The following IGSF21 variants were observed in gnomAD, a reference collection of about 807,000 sequenced individuals.
The protein encoded by IGSF21 is immunoglobin superfamily member 21, also known as immunoglobulin superfamily member 21.
IGSF21 carries 28 observed loss-of-function variants against 46.8 expected under a neutral mutation model. The observed-to-expected ratio is 0.60, with a 90% confidence interval of 0.44 to 0.82. The LOEUF (loss-of-function observed/expected upper bound fraction) is 0.82. IGSF21 is among the 40% of genes least tolerant of loss of function. IGSF21 has a pLI of 0.00. For missense variants in IGSF21, 624 were observed against 665.5 expected (o/e 0.94, Z 0.69); for synonymous variants, 284 against 273.6 (o/e 1.04, Z -0.38).
At chr1:18,362,339 C>T (rs1436624882) in intron 5 of IGSF21, 109 bp downstream of exon 5, 1 of 768,204 alleles carries the variant, frequency 1.3e-6, no homozygotes, top group East Asian at 2.7e-5. Context: ...AGTGGTTGGC[C>T]AGGGCTGACT....
intron 4 of IGSF21, among the ~76,000 whole-genome samples, chr1:18,360,853 T>C (rs866591513): frequency 1.8e-4 from 28 of 152,138 alleles, no homozygotes; most frequent in African/African-American, 7.2e-5. Flanking sequence ...ATTTAGCAAA[T>C]TGGGGGACTG....
chr1:18,212,170 G>T (rs2084399173), intron 1 of IGSF21, among the ~76,000 whole-genome samples: 2 of 152,268 alleles, frequency 1.3e-5, no homozygotes, highest in Non-Finnish European at 2.9e-5. Flanking sequence ...ACAGTGCTAT[G>T]GTCCTTGCCT....
At chr1:18,277,592 T>C (rs1481607732) in intron 2 of IGSF21, among the ~76,000 whole-genome samples, 3 of 152,350 alleles carry the variant, frequency 2.0e-5, no homozygotes, top group East Asian at 3.9e-4. Flanking sequence ...TCTTAGCAGC[T>C]TGAAGCATAG....
At chr1:18,233,641 C>T (rs1306117651) in intron 2 of IGSF21, among the ~76,000 whole-genome samples, 1 of 152,180 alleles carries the variant, frequency 6.6e-6, no homozygotes, top group East Asian at 1.9e-4. Context: ...CATTTCATGT[C>T]TGTTGATAGC....
intron 3 of IGSF21, among the ~76,000 whole-genome samples, chr1:18,331,641 G>T (rs773547424): frequency 6.6e-6 from 1 of 152,218 alleles, no homozygotes; most frequent in African/African-American, 2.4e-5. Context: ...TGGGACTTAG[G>T]TAAGGGAGTA....
Position 18,273,558 on chromosome 1 carries a change from T to A in IGSF21, c.184-18308T>A, listed in dbSNP as rs2124548488. Among the ~76,000 whole-genome samples, 3 of 149,522 alleles carry A rather than the reference T, an allele frequency of 2.0e-5. No homozygotes were observed. The South Asian group carries it at 6.4e-4, about 32-fold the overall frequency. On this transcript the variant is annotated intron_variant, in intron 2 of 9. Coordinates refer to ENST00000251296, the MANE Select transcript of IGSF21 (RefSeq NM_032880.5). The stretch of plus-strand genomic sequence containing the variant: ...TTTTTTTTTTTAACCACTCTGCCCA[T>A]AAAGTCCTTGCTCTCTGGGGACAAC...
intron 1 of IGSF21, among the ~76,000 whole-genome samples, chr1:18,135,187 C>T (rs2086357740): frequency 6.6e-6 from 1 of 152,218 alleles, no homozygotes; most frequent in Non-Finnish European, 1.5e-5. Context: ...TTGTATTAGA[C>T]AGTTCTTACA....
Position 18,148,422 on chromosome 1 carries a change from A to G in IGSF21, c.70+40224A>G, listed in dbSNP as rs140268230. ...GCTGGGATTACTGGCGTGAGCCACC[A>G]TGCCCGGCCTCAAGTATGTCTTTAT... On this transcript the variant is annotated intron_variant, in intron 1 of 9. Transcript: ENST00000251296. 1.5e-3 allele frequency among the ~76,000 whole-genome samples: 236 copies of G among 152,282 alleles called. 6 individuals are homozygous for G. The East Asian group carries it at 0.038, about 25-fold the overall frequency.
At chr1:18,177,799 G>A (rs1307191713) in intron 1 of IGSF21, among the ~76,000 whole-genome samples, 2 of 152,026 alleles carry the variant, frequency 1.3e-5, no homozygotes, top group Non-Finnish European at 2.9e-5. Flanking sequence ...AGTCATATTC[G>A]GTATGCCCGT....
At chr1:18,157,288 C>T (rs1289491295) in intron 1 of IGSF21, among the ~76,000 whole-genome samples, 1 of 152,244 alleles carries the variant, frequency 6.6e-6, no homozygotes, top group Non-Finnish European at 1.5e-5. Flanking sequence ...AGGGCTAACT[C>T]TGCCTCGCTG....
intron 1 of IGSF21, among the ~76,000 whole-genome samples, chr1:18,225,792 T>G (rs533138747): frequency 6.6e-6 from 1 of 152,196 alleles, no homozygotes; most frequent in African/African-American, 2.4e-5. Flanking sequence ...AAGAAAAAAG[T>G]ATGCAGGCTG....
chr1:18,227,821 C>G, intron 1 of IGSF21, 77 bp from the exon 2 acceptor site: 1 of 1,012,166 alleles, frequency 9.9e-7, no homozygotes, highest in Non-Finnish European at 1.6e-6. Flanking sequence ...TCTGCTGTCT[C>G]CCTGGCCCTG....
At chr1:18,327,545 G>A (rs572390160) in intron 3 of IGSF21, among the ~76,000 whole-genome samples, 48 of 152,276 alleles carry the variant, frequency 3.2e-4, no homozygotes, top group Middle Eastern at 3.4e-3. Context: ...CACGAAATGC[G>A]ATGCTGTTCA....
In IGSF21 at chr1:18,322,650, C is replaced by T. The variant is rs761518958; in HGVS notation, c.306-12242C>T. Among the ~76,000 whole-genome samples the T allele has an allele frequency of 2.0e-5, 3 of 152,146 alleles. No homozygotes were observed. The highest frequency in any genetic ancestry group is 4.8e-5 in the African/African-American group (2 of 41,418). ...CACGTGCCCCACGCCCCCTGCCTGC[C>T]AGTCCTGGGATGGCGTCGGGTGAAG... On this transcript the variant is annotated intron_variant, in intron 3 of 9. Coordinates refer to ENST00000251296, the MANE Select transcript of IGSF21 (RefSeq NM_032880.5). The surrounding 1 kb of genome is among the most constrained non-coding windows in gnomAD (Gnocchi z 4.3).
chr1:18,320,638 C>G (rs2085592233), intron 3 of IGSF21, among the ~76,000 whole-genome samples: 1 of 152,236 alleles, frequency 6.6e-6, no homozygotes, highest in Non-Finnish European at 1.5e-5. Flanking sequence ...CGGTCCTGCT[C>G]TGAAGCTGCC....
At chr1:18,373,669 G>T (rs950434552) in intron 6 of IGSF21, among the ~76,000 whole-genome samples, 1 of 152,040 alleles carries the variant, frequency 6.6e-6, no homozygotes, top group South Asian at 2.1e-4. Context: ...GTGGAAGAAG[G>T]CACCCATCTC....
intron 3 of IGSF21, among the ~76,000 whole-genome samples, chr1:18,324,558 T>A (rs748845343): frequency 1.3e-5 from 2 of 152,220 alleles, no homozygotes; most frequent in Non-Finnish European, 2.9e-5. Flanking sequence ...TGGCCTTGCA[T>A]AAATCACCTC....
chr1:18,365,143 C>A lies in IGSF21; in HGVS notation c.541-80C>A. The A allele has an allele frequency of 9.2e-7, 1 of 1,081,578 alleles. No homozygotes were observed. Among genetic ancestry groups the A allele is most frequent in the Non-Finnish European group, 1.4e-6 (1 of 725,726 alleles). The allele number at this position is 1,081,578 out of a possible 1,614,324, so 67.0% of individuals were successfully genotyped here. On this transcript the variant is annotated intron_variant, in intron 5 of 9. Transcript: ENST00000251296. The surrounding 1 kb of genome is among the most constrained non-coding windows in gnomAD (Gnocchi z 4.8). ...GCTCTGGAAGAACTGGCATCCTGTG[C>A]CCAGTTCATCGGAGAACCCACTGGG...
intron 1 of IGSF21, among the ~76,000 whole-genome samples, chr1:18,216,125 A>G (rs1233607774): frequency 6.6e-6 from 1 of 152,098 alleles, no homozygotes; most frequent in African/African-American, 2.4e-5. Flanking sequence ...GGTGTATCAG[A>G]CTCATATCAG....
Sources: gnomAD v4.1 joint callset for allele counts (sites outside exome capture counted in the v4.1 genomes callset) on GRCh38, gnomAD v4.1.1 for gene constraint, Gnocchi (gnomAD v3.1) non-coding constraint, MANE v1.5 for transcripts, NCBI Gene and HGNC (gene_info 2026-07-23, HGNC 2026-07-21) for gene names.